C11orf65: variants seen among roughly 807,000 people sequenced by gnomAD.
C11orf65 encodes chromosome 11 open reading frame 65, also known as protein MFI.
C11orf65 carries 38 observed loss-of-function variants against 35.3 expected under a neutral mutation model. That is an observed-to-expected ratio of 1.08 (90% CI 0.83 to 1.41). The LOEUF (loss-of-function observed/expected upper bound fraction) is 1.41. C11orf65 is among the 40% of genes most tolerant of loss of function. The pLI, the probability that C11orf65 is intolerant of heterozygous loss-of-function variation, is 0.00. For missense variants in C11orf65, 370 were observed against 367.1 expected, an observed-to-expected ratio of 1.01 and a Z score of -0.06; for synonymous variants, 105 against 114.4, an observed-to-expected ratio of 0.92 and a Z score of 0.53.
intron 1 of C11orf65, among the ~76,000 whole-genome samples, chr11:108,463,779 T>C (rs895840483): frequency 1.3e-5 from 2 of 152,098 alleles, no homozygotes; most frequent in Admixed American, 1.3e-4. Context: ...TACAAACTAT[T>C]TTCCAAAATA....
intron 2 of C11orf65, chr11:108,365,636 G>T: frequency 8.3e-7 from 1 of 1,203,330 alleles, no homozygotes; most frequent in Non-Finnish European, 1.2e-6. Flanking sequence ...TTTTTTGAAT[G>T]TTGGTTTTAA....
intron 7 of C11orf65, among the ~76,000 whole-genome samples, chr11:108,391,100 T>C (rs570193939): frequency 6.6e-6 from 1 of 152,246 alleles, no homozygotes; most frequent in Non-Finnish European, 1.5e-5. Flanking sequence ...TATTGTTCAA[T>C]GACCATTAAC....
At chr11:108,453,949 T>C (rs566366102) in intron 2 of C11orf65, among the ~76,000 whole-genome samples, 3 of 152,344 alleles carry the variant, frequency 2.0e-5, no homozygotes, top group South Asian at 4.1e-4. Flanking sequence ...CTTTAATTTT[T>C]TGAAAGAGTT....
At chr11:108,437,337 T>C (rs190198988) in intron 2 of C11orf65, among the ~76,000 whole-genome samples, 6 of 151,782 alleles carry the variant, frequency 4.0e-5, no homozygotes, top group African/African-American at 1.4e-4. Context: ...AGAAAATTAA[T>C]ACCATAAGGA....
At chr11:108,346,058 A>G in intron 2 of C11orf65, 7 of 843,474 alleles carry the variant, frequency 8.3e-6, no homozygotes, top group African/African-American at 1.7e-5. Flanking sequence ...TTATTAAATC[A>G]TATGTTTCTT....
At position 108,407,093 on chromosome 11, in the gene C11orf65, T is replaced by C; in HGVS notation, c.228+3A>G. On this transcript the variant is annotated splice_donor_region_variant and intron_variant, in intron 4 of 8. Transcript: ENST00000393084. ...TACTAAATAAGCATTCATCCATACT[T>C]ACTCCACCTAATCTGAATCGCACAT... 6 of 1,609,624 alleles carry C rather than the reference T, an allele frequency of 3.7e-6. No homozygotes were observed. In the African/African-American group the frequency reaches 4.0e-5, roughly 11 times the overall value.
At chr11:108,424,918 C>T (rs10466557) in intron 3 of C11orf65, among the ~76,000 whole-genome samples, 95,041 of 151,986 alleles carry the variant, frequency 0.63, 30,067 homozygotes, top group Middle Eastern at 0.76. Context: ...GGATAAATAA[C>T]GAAACGAAGG....
chr11:108,380,067 A>G (rs1023426063), downstream of C11orf65, among the ~76,000 whole-genome samples: 8 of 152,158 alleles, frequency 5.3e-5, no homozygotes, highest in African/African-American at 1.9e-4. Context: ...CAGTTGCCCA[A>G]ATGCTTCTCT....
intron 2 of C11orf65, among the ~76,000 whole-genome samples, chr11:108,433,491 G>T (rs556120648): frequency 6.6e-6 from 1 of 152,126 alleles, no homozygotes; most frequent in African/African-American, 2.4e-5. Context: ...GAGGCAGGAG[G>T]ATGGTGTGAA....
chr11:108,449,456 G>C (rs2093315608), intron 2 of C11orf65, among the ~76,000 whole-genome samples: 1 of 151,996 alleles, frequency 6.6e-6, no homozygotes, highest in Admixed American at 6.5e-5. Flanking sequence ...CAATGGAGCA[G>C]AACAGAGTCC....
At chr11:108,431,622 A>G in intron 3 of C11orf65, 124 bp downstream of exon 3, 1 of 463,052 alleles carries the variant, frequency 2.2e-6, no homozygotes, top group South Asian at 7.0e-5. Context: ...CTTTCAACAT[A>G]TGTGTAATAC....
chr11:108,429,094 C>T (rs2092949727), intron 3 of C11orf65, among the ~76,000 whole-genome samples: 1 of 152,098 alleles, frequency 6.6e-6, no homozygotes, highest in African/African-American at 2.4e-5. Context: ...CTGCAGTGAA[C>T]TGTGATCACA....
At chr11:108,443,013 C>G (rs2093183805) in intron 2 of C11orf65, among the ~76,000 whole-genome samples, 1 of 152,170 alleles carries the variant, frequency 6.6e-6, no homozygotes, top group African/African-American at 2.4e-5. Context: ...AACTAAAAGA[C>G]ACAGACTGGC....
At chr11:108,449,323 G>C (rs1204503250) in intron 2 of C11orf65, among the ~76,000 whole-genome samples, 1 of 151,882 alleles carries the variant, frequency 6.6e-6, no homozygotes, top group Non-Finnish European at 1.5e-5. Flanking sequence ...AGCCCACATA[G>C]CCAAGTGAAT....
chr11:108,335,407 T>G, intron 2 of C11orf65: 1 of 732,200 alleles, frequency 1.4e-6, no homozygotes, highest in Non-Finnish European at 2.0e-6. Context: ...TGTCTGTCTC[T>G]TATTTCCTTG....
chr11:108,375,288 T>C (rs1171913648), intron 2 of C11orf65, among the ~76,000 whole-genome samples: 1 of 151,182 alleles, frequency 6.6e-6, no homozygotes, highest in Non-Finnish European at 1.5e-5. Flanking sequence ...CAGCGGATCT[T>C]GGCAGAAACC....
At chr11:108,353,054 AC>A (rs1395015250) in intron 2 of C11orf65, among the ~76,000 whole-genome samples, 15 of 152,304 alleles carry the variant, frequency 9.8e-5, no homozygotes, top group African/African-American at 3.4e-4. Context: ...GCAGGACATT[AC>A]AGTTGGGGTG....
chr11:108,335,776 C>A, intron 2 of C11orf65: 1 of 1,297,474 alleles, frequency 7.7e-7, no homozygotes, highest in Non-Finnish European at 1.1e-6. Context: ...CTTTGCTATT[C>A]TCAGATGACT....
intron 3 of C11orf65, among the ~76,000 whole-genome samples, chr11:108,429,969 T>C (rs916093855): frequency 1.3e-5 from 2 of 152,186 alleles, no homozygotes; most frequent in East Asian, 1.9e-4. Flanking sequence ...AGAATGATAG[T>C]TGCTGGGAGA....
Sources: gnomAD v4.1 joint callset for allele counts (sites outside exome capture counted in the v4.1 genomes callset) on GRCh38, gnomAD v4.1.1 for gene constraint, MANE v1.5 for transcripts, NCBI Gene and HGNC (gene_info 2026-07-23, HGNC 2026-07-21) for gene names.